STRADB: variants seen among roughly 807,000 people sequenced by gnomAD.
STRADB encodes the protein STE20 related adaptor beta, also known as STE20-related kinase adapter protein beta.
Under a neutral mutation model 52.1 loss-of-function variants are expected in STRADB, and 34 were observed. The ratio of observed to expected loss-of-function variants is 0.65; its 90% CI spans 0.50 to 0.87. The LOEUF is 0.87. Ranked by LOEUF, STRADB falls within the 40% of genes least tolerant of loss-of-function variation. STRADB has a pLI of 0.00. For synonymous variants in STRADB, 133 were observed against 174.5 expected (o/e 0.76, Z 1.87); for missense variants, 340 against 483.9 (o/e 0.70, Z 2.79).
intron 1 of STRADB, among the ~76,000 whole-genome samples, chr2:201,454,184 G>C (rs1336517472): frequency 5.3e-5 from 8 of 152,158 alleles, no homozygotes; most frequent in Admixed American, 5.2e-4. Context: ...TGGTGCTTTT[G>C]TATCTCCTTG....
At chr2:201,460,210 A>C (rs1952192022) in intron 3 of STRADB, among the ~76,000 whole-genome samples, 1 of 152,100 alleles carries the variant, frequency 6.6e-6, no homozygotes, top group Admixed American at 6.6e-5. Flanking sequence ...GTCTCTTCAT[A>C]AAATAGGAAG....
In STRADB at chr2:201,479,535, A is replaced by G. The variant is rs1952537116; in HGVS notation, c.1113+4A>G. ...GTCCCATGTTTTCTTCAAACAGGTG[A>G]GCTGATCTATCATCCGTTGTCTCGA... On this transcript the variant is annotated splice_donor_region_variant and intron_variant, in intron 11 of 11. Coordinates refer to ENST00000194530, the MANE Select transcript of STRADB (RefSeq NM_018571.6). 16 of 1,601,524 alleles carry G rather than the reference A, an allele frequency of 1.0e-5. No homozygotes were observed. The highest frequency in any genetic ancestry group is 1.4e-5 in the Non-Finnish European group (16 of 1,177,206).
At chr2:201,467,161 T>C (rs1350849409) in intron 3 of STRADB, among the ~76,000 whole-genome samples, 1 of 152,214 alleles carries the variant, frequency 6.6e-6, no homozygotes, top group African/African-American at 2.4e-5. Flanking sequence ...CCTTACATTG[T>C]ATTATCAATC....
intron 6 of STRADB, 70 bp from the exon 7 acceptor site, chr2:201,475,549 A>G: frequency 4.4e-6 from 7 of 1,590,832 alleles, no homozygotes; most frequent in Non-Finnish European, 6.0e-6. Context: ...GGTTGAAAAG[A>G]ACATTAAAAT....
intron 3 of STRADB, among the ~76,000 whole-genome samples, chr2:201,461,198 A>AT (rs1053154411): frequency 4.0e-5 from 6 of 151,528 alleles, no homozygotes; most frequent in Non-Finnish European, 7.4e-5. Context: ...TTTTATTTCT[A>AT]TTTTTTTTAG....
chr2:201,477,060 T>TTG (rs1426695718), intron 7 of STRADB, among the ~76,000 whole-genome samples: 2 of 100,024 alleles, frequency 2.0e-5, no homozygotes, highest in African/African-American at 7.4e-5. Context: ...CAGTTTTTTT[T>TTG]TTTTTTTTTT....
intron 3 of STRADB, among the ~76,000 whole-genome samples, chr2:201,467,437 G>A (rs1391898742): frequency 6.6e-6 from 1 of 152,096 alleles, no homozygotes; most frequent in African/African-American, 2.4e-5. Flanking sequence ...ATATATCAAT[G>A]GAGAGAGGAT....
chr2:201,456,279 G>C (rs1952126324), intron 2 of STRADB, among the ~76,000 whole-genome samples: 1 of 152,188 alleles, frequency 6.6e-6, no homozygotes. Flanking sequence ...TACTCTAAAG[G>C]ATTACTTAAG....
chr2:201,452,166 G>C (rs543627686), intron 1 of STRADB, among the ~76,000 whole-genome samples: 9 of 152,026 alleles, frequency 5.9e-5, no homozygotes, highest in Non-Finnish European at 1.2e-4. Context: ...CCCGGGCCGC[G>C]GGTTCGCAGC....
intron 4 of STRADB, among the ~76,000 whole-genome samples, chr2:201,472,226 T>C (rs1186186310): frequency 6.6e-6 from 1 of 152,194 alleles, no homozygotes; most frequent in African/African-American, 2.4e-5. Flanking sequence ...CATATGTTTA[T>C]CACATGACCC....
At chr2:201,477,526 C>T (rs1033316354) in intron 7 of STRADB, 93 bp from the exon 8 acceptor site, 1 of 1,298,472 alleles carries the variant, frequency 7.7e-7, no homozygotes, top group African/African-American at 1.5e-5. Context: ...TATTTAATTT[C>T]CAAGAGAATA....
chr2:201,478,178 T>C lies in STRADB; in HGVS notation c.812T>C (p.Met271Thr), dbSNP rs751456676. ...AGTGGGCAGGTGCCTTTCCAGGACATGCATAGAACTCAGGTAAGTGCTGCT... is the reference window on the plus strand; with the variant it reads ...AGTGGGCAGGTGCCTTTCCAGGACACGCATAGAACTCAGGTAAGTGCTGCT... ...LASGQVPFQD[M>T]HRTQMLLQKL... Residue 271 changes from methionine to threonine, a missense_variant, in exon 9 of 12, where the codon ATG becomes ACG. Physicochemically the swap from Met to Thr is moderately conservative, Grantham distance 81. Transcript: ENST00000194530. 1 of 1,613,122 alleles carries C rather than the reference T, an allele frequency of 6.2e-7. No individual in the cohort carries two copies. The highest frequency in any genetic ancestry group is 1.1e-5 in the South Asian group (1 of 90,736).
chr2:201,458,959 C>G, intron 3 of STRADB, 95 bp downstream of exon 3: 1 of 1,023,360 alleles, frequency 9.8e-7, no homozygotes, highest in Admixed American at 2.1e-5. Flanking sequence ...CCTAGGAGTT[C>G]GAGACCAGCC....
Position 201,479,519 on chromosome 2 carries a change from T to G in STRADB, c.1101T>G (p.Val367=). 1 of 1,603,532 alleles carries G rather than the reference T, an allele frequency of 6.2e-7. No homozygotes were observed. Among genetic ancestry groups the G allele is most frequent in the Non-Finnish European group, 8.5e-7 (1 of 1,177,754 alleles). Reference sequence around the variant, plus strand: ...CAGCAAGCAGTTTATTGTCCCATGTTTTCTTCAAACAGGTGAGCTGATCTA... The same window carrying G: ...CAGCAAGCAGTTTATTGTCCCATGTGTTCTTCAAACAGGTGAGCTGATCTA... ...RPSASSLLSH[V]FFKQMKEESQ... is the part of the protein sequence containing the mutation. The change falls in exon 11 of 12, where the codon GTT becomes GTG. Residue 367 remains valine (V), a synonymous_variant. Coordinates refer to ENST00000194530, the MANE Select transcript of STRADB (RefSeq NM_018571.6).
At chr2:201,478,926 T>C (rs773211943) in intron 10 of STRADB, among the ~76,000 whole-genome samples, 4 of 151,738 alleles carry the variant, frequency 2.6e-5, no homozygotes, top group Non-Finnish European at 1.5e-5. Context: ...ATACAAAAAT[T>C]AGCCGGTGTG....
At chr2:201,466,816 G>A (rs1952311583) in intron 3 of STRADB, among the ~76,000 whole-genome samples, 2 of 152,156 alleles carry the variant, frequency 1.3e-5, no homozygotes, top group South Asian at 4.1e-4. Flanking sequence ...AACTAATGTA[G>A]GGAGTGTTCT....
At chr2:201,469,833 C>T (rs1952361569) in intron 3 of STRADB, 120 bp from the exon 4 acceptor site, 2 of 680,052 alleles carry the variant, frequency 2.9e-6, no homozygotes, top group East Asian at 2.7e-5. Context: ...CTTAAGCCAC[C>T]TTGCAGTACC....
At chr2:201,452,903 T>C (rs1284552166) in intron 1 of STRADB, among the ~76,000 whole-genome samples, 1 of 152,240 alleles carries the variant, frequency 6.6e-6, no homozygotes. Context: ...TGGATACAAG[T>C]GTAAGGGACT....
chr2:201,474,096 T>C (rs367667755), intron 5 of STRADB, among the ~76,000 whole-genome samples: 8 of 152,242 alleles, frequency 5.3e-5, no homozygotes, highest in African/African-American at 1.9e-4. Flanking sequence ...TTCACCGTGT[T>C]AGCCAGGATG....
Sources: gnomAD v4.1 joint callset for allele counts (sites outside exome capture counted in the v4.1 genomes callset) on GRCh38, gnomAD v4.1.1 for gene constraint, MANE v1.5 for transcripts, NCBI Gene and HGNC (gene_info 2026-07-23, HGNC 2026-07-21) for gene names.